Variants in KCNJ6 observed in about 807,000 individuals in gnomAD.
The protein encoded by KCNJ6 is potassium inwardly rectifying channel subfamily J member 6.
In KCNJ6, 9 loss-of-function variants were observed where a neutral mutation model predicts 34.2. That is an observed-to-expected ratio of 0.26 (90% CI 0.16 to 0.46). KCNJ6 has a LOEUF of 0.46. Among genes scored for constraint, KCNJ6 ranks in the 20% least tolerant of loss-of-function variants. KCNJ6 has a pLI of 1.00. For synonymous variants in KCNJ6, 196 were observed against 207.1 expected, an observed-to-expected ratio of 0.95 and a Z score of 0.46; for missense variants, 236 against 531.3, an observed-to-expected ratio of 0.44 and a Z score of 5.46.
chr21:37,738,224 G>A (rs1190721364), intron 2 of KCNJ6, among the ~76,000 whole-genome samples: 1 of 152,224 alleles, frequency 6.6e-6, no homozygotes, highest in South Asian at 2.1e-4. Context: ...ATAGCTCATA[G>A]ATTACAAACG....
chr21:37,882,595 G>C (rs528667463), intron 1 of KCNJ6, among the ~76,000 whole-genome samples: 1 of 152,258 alleles, frequency 6.6e-6, no homozygotes, highest in South Asian at 2.1e-4. Flanking sequence ...TCTTCACTTT[G>C]GCCAAATTCC....
At chr21:37,856,165 CTCT>C (rs2055564444) in intron 1 of KCNJ6, among the ~76,000 whole-genome samples, 1 of 152,218 alleles carries the variant, frequency 6.6e-6, no homozygotes, top group African/African-American at 2.4e-5. Flanking sequence ...TTTCCGGAAG[CTCT>C]TCAGATTCCC....
chr21:37,889,978 C>G (rs1292587602), intron 1 of KCNJ6, among the ~76,000 whole-genome samples: 4 of 152,202 alleles, frequency 2.6e-5, no homozygotes, highest in Non-Finnish European at 4.4e-5. Flanking sequence ...AGTGAGCTAG[C>G]CTGCACAAAT....
At chr21:37,765,438 A>G (rs1271700911) in intron 2 of KCNJ6, among the ~76,000 whole-genome samples, 1 of 152,152 alleles carries the variant, frequency 6.6e-6, no homozygotes. Flanking sequence ...TCACAGATGG[A>G]GAGGGTAGGG....
rs977967811 is a variant in KCNJ6 at position 37,613,396 on chromosome 21, A to G, written c.*11763T>C. On this transcript the variant is annotated 3_prime_UTR_variant, in exon 4 of 4. Transcript: ENST00000609713. ...AGTTTGGCTGTGTCTTGCAAGACTA[A>G]ATATAGCTTTAACATATCATATTTA... 6.5e-6 allele frequency: 1 copy of G among 152,694 alleles called. No individual in the cohort carries two copies. Among genetic ancestry groups the G allele is most frequent in the Non-Finnish European group, 1.5e-5 (1 of 68,098 alleles). 9.5% of individuals were successfully genotyped at this position (152,694 alleles called of 1,614,324 possible). A position where few individuals can be genotyped will look rare whatever the true frequency, so the allele number is the denominator to read the frequency against.
intron 2 of KCNJ6, among the ~76,000 whole-genome samples, chr21:37,758,940 T>C (rs1489850347): frequency 6.6e-6 from 1 of 152,190 alleles, no homozygotes; most frequent in Admixed American, 6.5e-5. Context: ...CGGCCTTAGA[T>C]ATTTTACAGG....
Position 37,625,081 on chromosome 21 carries a change from G to T in KCNJ6, c.*78C>A. The T allele has an allele frequency of 9.6e-7, 1 of 1,046,746 alleles. No homozygotes were observed. Among genetic ancestry groups the T allele is most frequent in the Non-Finnish European group, 1.4e-6 (1 of 705,458 alleles). The allele number at this position is 1,046,746 out of a possible 1,614,324, so 64.8% of individuals were successfully genotyped here. A position where few individuals can be genotyped will look rare whatever the true frequency, so the allele number is the denominator to read the frequency against. On this transcript the variant is annotated 3_prime_UTR_variant, in exon 4 of 4. Coordinates refer to ENST00000609713, the MANE Select transcript of KCNJ6 (RefSeq NM_002240.5). ...AACAAATAAAGAACAAAGCAAGAGA[G>T]ACAGAAAAAGAAAGAGAATGAGAGA...
chr21:37,705,186 A>G (rs1449142025), intron 3 of KCNJ6, among the ~76,000 whole-genome samples: 1 of 152,116 alleles, frequency 6.6e-6, no homozygotes, highest in Non-Finnish European at 1.5e-5. Flanking sequence ...CGAATCAATA[A>G]CCACTATCTT....
chr21:37,639,571 G>C (rs1270158231), intron 3 of KCNJ6, among the ~76,000 whole-genome samples: 1 of 152,062 alleles, frequency 6.6e-6, no homozygotes, highest in African/African-American at 2.4e-5. Flanking sequence ...CCATTTAAAT[G>C]GTTCAAAAAT....
chr21:37,735,126 T>C (rs1196283281), intron 2 of KCNJ6, among the ~76,000 whole-genome samples: 1 of 151,994 alleles, frequency 6.6e-6, no homozygotes, highest in East Asian at 1.9e-4. Flanking sequence ...CCCTTCCCCT[T>C]GCCTCAGTAG....
At chr21:37,719,180 G>A (rs2054810834) in intron 2 of KCNJ6, among the ~76,000 whole-genome samples, 1 of 152,180 alleles carries the variant, frequency 6.6e-6, no homozygotes, top group South Asian at 2.1e-4. Context: ...TCAGGGCTGT[G>A]TCCAGAGTCA....
chr21:37,759,096 G>GT (rs1470031306), intron 2 of KCNJ6, among the ~76,000 whole-genome samples: 1 of 152,194 alleles, frequency 6.6e-6, no homozygotes, highest in East Asian at 1.9e-4. Context: ...CAGCTGAGTG[G>GT]TGACTGTTCC....
chr21:37,779,197 GC>G (rs1256070540), intron 2 of KCNJ6, among the ~76,000 whole-genome samples: 1 of 152,132 alleles, frequency 6.6e-6, no homozygotes, highest in Non-Finnish European at 1.5e-5. Context: ...TCCCAACCCT[GC>G]TTCATTTAAT....
At chr21:37,872,048 G>A (rs2123613898) in intron 1 of KCNJ6, among the ~76,000 whole-genome samples, 1 of 152,214 alleles carries the variant, frequency 6.6e-6, no homozygotes, top group South Asian at 2.1e-4. Flanking sequence ...GGAGAAGGTT[G>A]GTTATTAAAC....
chr21:37,748,051 T>C (rs981303645), intron 2 of KCNJ6, among the ~76,000 whole-genome samples: 1 of 152,140 alleles, frequency 6.6e-6, no homozygotes, highest in African/African-American at 2.4e-5. Flanking sequence ...TGACTTGTAA[T>C]GTGTTGTGCA....
chr21:37,892,854 G>GT (rs778761855), intron 1 of KCNJ6, among the ~76,000 whole-genome samples: 13,487 of 138,328 alleles, frequency 0.098, 823 homozygotes, highest in East Asian at 0.3. Flanking sequence ...TTCTTTCATA[G>GT]TTTTTTTTTT....
intron 1 of KCNJ6, among the ~76,000 whole-genome samples, chr21:37,851,090 C>T (rs1307772899): frequency 6.6e-6 from 1 of 152,146 alleles, no homozygotes; most frequent in Non-Finnish European, 1.5e-5. Flanking sequence ...TACTGTATAA[C>T]CCATGTGGAG....
At chr21:37,874,649 C>T (rs1302991903) in intron 1 of KCNJ6, among the ~76,000 whole-genome samples, 1 of 152,190 alleles carries the variant, frequency 6.6e-6, no homozygotes, top group Non-Finnish European at 1.5e-5. Context: ...CTCAGCCACA[C>T]CCACGCCTAC....
chr21:37,697,427 C>A (rs1018138420), intron 3 of KCNJ6, among the ~76,000 whole-genome samples: 1 of 152,160 alleles, frequency 6.6e-6, no homozygotes, highest in Non-Finnish European at 1.5e-5. Flanking sequence ...CCGGGAAGAA[C>A]CTGAGTATTC....
Sources: gnomAD v4.1 joint callset for allele counts (sites outside exome capture counted in the v4.1 genomes callset) on GRCh38, gnomAD v4.1.1 for gene constraint, MANE v1.5 for transcripts, NCBI Gene and HGNC (gene_info 2026-07-23, HGNC 2026-07-21) for gene names.